The following TPX2 variants were observed in gnomAD, a reference collection of about 807,000 sequenced individuals.
TPX2 encodes the protein TPX2 microtubule nucleation factor.
A neutral mutation model predicts 93.6 loss-of-function variants in TPX2; 21 were observed. That is an observed-to-expected ratio of 0.22 (90% CI 0.16 to 0.32). The LOEUF is 0.32. Among genes scored for constraint, TPX2 ranks in the 10% least tolerant of loss-of-function variants. TPX2 has a pLI of 1.00. For missense variants in TPX2, 776 were observed against 871.1 expected, an observed-to-expected ratio of 0.89 and a Z score of 1.37; for synonymous variants, 281 against 298.3, an observed-to-expected ratio of 0.94 and a Z score of 0.60.
At chr20:31,767,082 G>C (rs1280892040) in intron 5 of TPX2, among the ~76,000 whole-genome samples, 1 of 152,010 alleles carries the variant, frequency 6.6e-6, no homozygotes, top group African/African-American at 2.4e-5. Flanking sequence ...GATTACAGGC[G>C]TGAGCTACTG....
intron 12 of TPX2, among the ~76,000 whole-genome samples, chr20:31,791,470 G>A (rs1308993834): frequency 1.3e-5 from 2 of 152,114 alleles, no homozygotes; most frequent in East Asian, 3.9e-4. Flanking sequence ...ATTTTTAGTA[G>A]AGACGGGGTT....
At chr20:31,740,525 G>C (rs1373009724) in intron 1 of TPX2, among the ~76,000 whole-genome samples, 2 of 152,216 alleles carry the variant, frequency 1.3e-5, no homozygotes, top group African/African-American at 4.8e-5. Context: ...TTATGTGGCT[G>C]TCAGCTAACT....
chr20:31,800,397 A>G (rs1056458886), intron 17 of TPX2, among the ~76,000 whole-genome samples: 18 of 152,320 alleles, frequency 1.2e-4, no homozygotes, highest in African/African-American at 4.3e-4. Flanking sequence ...TGATGGCAAC[A>G]TTGTAAAGCA....
chr20:31,760,625 G>C (rs527707321), intron 4 of TPX2, among the ~76,000 whole-genome samples: 31 of 152,270 alleles, frequency 2.0e-4, no homozygotes, highest in African/African-American at 7.0e-4. Flanking sequence ...TTCCCAAAGT[G>C]CTGGGATTAT....
chr20:31,776,274 G>A (rs1233514386), intron 8 of TPX2, among the ~76,000 whole-genome samples: 17 of 150,916 alleles, frequency 1.1e-4, no homozygotes, highest in Non-Finnish European at 2.4e-4. Flanking sequence ...TAGAGACGGG[G>A]TTTCACCTTG....
At chr20:31,761,616 G>GTA (rs554262703) in intron 4 of TPX2, among the ~76,000 whole-genome samples, 27 of 152,034 alleles carry the variant, frequency 1.8e-4, no homozygotes, top group South Asian at 2.1e-4. Flanking sequence ...GTATTCCATT[G>GTA]TATATATATA....
chr20:31,786,421 A>G (rs2062067460), intron 12 of TPX2, among the ~76,000 whole-genome samples: 2 of 72,230 alleles, frequency 2.8e-5, no homozygotes, highest in African/African-American at 2.3e-4. Context: ...TTTTTGAGAC[A>G]ATCTCACTCT....
At chr20:31,794,603 A>C in intron 15 of TPX2, 55 bp downstream of exon 15, 2 of 1,590,534 alleles carry the variant, frequency 1.3e-6, no homozygotes, top group East Asian at 2.2e-5. Context: ...TTGATTGTAC[A>C]GGCAGACCCA....
At chr20:31,756,685 G>A (rs886092985) in intron 2 of TPX2, among the ~76,000 whole-genome samples, 4 of 151,782 alleles carry the variant, frequency 2.6e-5, no homozygotes, top group South Asian at 2.1e-4. Context: ...ATGCAATGGC[G>A]CGATCTCGAC....
At chr20:31,747,442 CT>C (rs2061790863) in intron 2 of TPX2, among the ~76,000 whole-genome samples, 1 of 151,612 alleles carries the variant, frequency 6.6e-6, no homozygotes. Flanking sequence ...CTATCTCTGT[CT>C]GTCTGTCTGT....
chr20:31,759,795 G>A lies in TPX2; in HGVS notation c.107-262G>A, dbSNP rs112133875. On this transcript the variant is annotated intron_variant, in intron 3 of 17. Transcript: ENST00000300403. ...CTAAATGTGTACCAAACAAAGATAAGGAGTTATTCACAATGCAGAATCTGT... is the reference window on the plus strand; with the variant it reads ...CTAAATGTGTACCAAACAAAGATAAAGAGTTATTCACAATGCAGAATCTGT... Among the ~76,000 whole-genome samples, 727 of 152,094 alleles carry A rather than the reference G, an allele frequency of 4.8e-3. 5 individuals are homozygous for A. Among genetic ancestry groups the A allele is most frequent in the African/African-American group, 0.017 (690 of 41,490 alleles).
chr20:31,744,255 C>T (rs1009958270), intron 2 of TPX2, among the ~76,000 whole-genome samples: 3 of 150,460 alleles, frequency 2.0e-5, no homozygotes, highest in Admixed American at 2.0e-4. Context: ...CTCCGCCTCC[C>T]AGGTTCAAGC....
intron 2 of TPX2, among the ~76,000 whole-genome samples, chr20:31,747,235 C>T (rs1459631472): frequency 1.3e-5 from 2 of 152,154 alleles, no homozygotes; most frequent in South Asian, 2.1e-4. Flanking sequence ...ATTTTCCTGC[C>T]TCAGCCTCCC....
At chr20:31,780,883 G>T in intron 10 of TPX2, 1 of 360,784 alleles carries the variant, frequency 2.8e-6, no homozygotes, top group Non-Finnish European at 5.3e-6. Flanking sequence ...GTTTTCACTT[G>T]GTCTTCTTTT....
intron 13 of TPX2, among the ~76,000 whole-genome samples, chr20:31,793,196 T>C (rs916604366): frequency 6.6e-5 from 10 of 152,194 alleles, no homozygotes; most frequent in African/African-American, 2.4e-4. Flanking sequence ...TGAAAATTCA[T>C]ACTAAGCAAT....
At chr20:31,756,697 C>T (rs2061854232) in intron 2 of TPX2, among the ~76,000 whole-genome samples, 1 of 152,062 alleles carries the variant, frequency 6.6e-6, no homozygotes, top group Non-Finnish European at 1.5e-5. Flanking sequence ...GATCTCGACT[C>T]ACTGCAACTT....
Position 31,771,770 on chromosome 20 carries a change from T to C in TPX2, c.608+88T>C, listed in dbSNP as rs1019440406. 3 of 1,478,514 alleles carry C rather than the reference T, an allele frequency of 2.0e-6. No homozygotes were observed. In the African/African-American group the frequency reaches 4.2e-5, roughly 21 times the overall value. The allele number at this position is 1,478,514 out of a possible 1,614,324, so 91.6% of individuals were successfully genotyped here. A position where few individuals can be genotyped will look rare whatever the true frequency, so the allele number is the denominator to read the frequency against. ...ACAACCTGTTTGGTGTACCTGGAGG[T>C]TGGCAAACTCCTGAAGCTTTGACCA... On this transcript the variant is annotated intron_variant, in intron 7 of 17. Coordinates refer to ENST00000300403, the MANE Select transcript of TPX2 (RefSeq NM_012112.5).
chr20:31,770,153 T>C (rs2061956108), intron 5 of TPX2, among the ~76,000 whole-genome samples, 190 bp from the exon 6 acceptor site: 1 of 152,180 alleles, frequency 6.6e-6, no homozygotes, highest in Admixed American at 6.5e-5. Context: ...CACCGGTGTA[T>C]TTAAGAACTA....
chr20:31,769,054 T>C (rs2061947059), intron 5 of TPX2, among the ~76,000 whole-genome samples: 1 of 152,144 alleles, frequency 6.6e-6, no homozygotes, highest in Non-Finnish European at 1.5e-5. Context: ...ATACATAAAG[T>C]TGAGTGAGAT....
Sources: allele counts gnomAD v4.1 joint callset (sites outside exome capture counted in the v4.1 genomes callset), GRCh38; gene constraint gnomAD v4.1.1; transcripts MANE v1.5; gene names NCBI Gene and HGNC (gene_info 2026-07-23, HGNC 2026-07-21).